Variants in CLASRP observed in about 807,000 individuals in gnomAD.
CLASRP encodes the protein CLK4 associating serine/arginine rich protein, also known as CLK4-associating serine/arginine rich protein.
Under a neutral mutation model 99.9 loss-of-function variants are expected in CLASRP, and 52 were observed. That is an observed-to-expected ratio of 0.52 (90% confidence interval 0.42 to 0.66). CLASRP has a LOEUF of 0.66. Among genes scored for constraint, CLASRP ranks in the 30% least tolerant of loss-of-function variants. The pLI, the probability that CLASRP is intolerant of heterozygous loss-of-function variation, is 0.00. For missense variants in CLASRP, 848 were observed against 999.2 expected, an observed-to-expected ratio of 0.85 and a Z score of 2.04; for synonymous variants, 379 against 373.0, an observed-to-expected ratio of 1.02 and a Z score of -0.18.
intron 2 of CLASRP, 72 bp from the exon 3 acceptor site, chr19:45,051,999 C>A: frequency 8.5e-7 from 1 of 1,177,362 alleles, no homozygotes. Context: ...TGCTGCTAAG[C>A]TCGGTTGTGT....
chr19:45,040,480 C>T (rs1021946624), intron 2 of CLASRP, 169 bp downstream of exon 2: 3 of 537,656 alleles, frequency 5.6e-6, no homozygotes, highest in Non-Finnish European at 1.0e-5. Flanking sequence ...ATCCCAAGGG[C>T]TTCTGTTTGT....
intron 2 of CLASRP, 61 bp downstream of exon 2, chr19:45,040,372 T>A: frequency 8.4e-7 from 1 of 1,189,120 alleles, no homozygotes; most frequent in Non-Finnish European, 1.2e-6. Flanking sequence ...CAGCTGGTCA[T>A]CCTGGTAAAA....
chr19:45,048,192 G>A (rs1371100530), intron 2 of CLASRP, among the ~76,000 whole-genome samples: 6 of 151,948 alleles, frequency 3.9e-5, no homozygotes, highest in Non-Finnish European at 8.8e-5. Flanking sequence ...ATGTCAGGCA[G>A]GTGGACCCCA....
rs1487918620 is a variant in CLASRP at position 45,064,606 on chromosome 19, G to A, written c.1385G>A (p.Gly462Asp). 10 of 1,552,766 alleles carry A rather than the reference G, an allele frequency of 6.4e-6. No individual in the cohort carries two copies. Among genetic ancestry groups the A allele is most frequent in the Non-Finnish European group, 8.7e-6 (10 of 1,155,054 alleles). ...TCCCGCTCGCCCGCCCGGCGTGGTG[G>A]TTACGGGCCCCGGCGCAGAAGCAGG... ...RYSRSPARRGGYGPRRRSRSR... is the reference protein window; with the variant it reads ...RYSRSPARRGDYGPRRRSRSR... The change falls in exon 13 of 21, where the codon GGT becomes GAT. Residue 462 changes from glycine (G) to aspartate (D), a missense_variant. Gly to Asp is a moderately conservative substitution (Grantham distance 94). Coordinates refer to ENST00000221455, the MANE Select transcript of CLASRP (RefSeq NM_007056.3).
chr19:45,048,737 C>T (rs1485510635), intron 2 of CLASRP, among the ~76,000 whole-genome samples: 2 of 152,000 alleles, frequency 1.3e-5, no homozygotes, highest in African/African-American at 4.8e-5. Flanking sequence ...CCTGTAATCC[C>T]AGCACTTTGG....
intron 1 of CLASRP, 117 bp from the exon 2 acceptor site, chr19:45,040,067 G>A (rs1194265357): frequency 2.2e-5 from 13 of 586,958 alleles, no homozygotes; most frequent in Non-Finnish European, 4.0e-5. Context: ...TCTGCTCCCT[G>A]AAGCTAAGAG....
intron 16 of CLASRP, 91 bp from the exon 17 acceptor site, chr19:45,068,975 G>C (rs1293477982): frequency 2.1e-5 from 25 of 1,206,632 alleles, no homozygotes; most frequent in Non-Finnish European, 2.9e-5. Flanking sequence ...GGGCGACAGA[G>C]CGAGACTCTG....
intron 18 of CLASRP, among the ~76,000 whole-genome samples, chr19:45,069,451 G>C (rs188298087): frequency 2.0e-5 from 3 of 151,838 alleles, no homozygotes; most frequent in African/African-American, 7.2e-5. Context: ...CCTGCCTCCC[G>C]CCACCGCGAC....
Position 45,064,628 on chromosome 19 carries a change from C to A in CLASRP, c.1407C>A (p.Ser469Arg). ...RRGGYGPRRRSRSRSHSGDRY... is the reference protein window; with the variant it reads ...RRGGYGPRRRRRSRSHSGDRY... Reference sequence around the variant, plus strand: ...GTGGTTACGGGCCCCGGCGCAGAAGCAGGTGTGTGTGGCTGGGCGTGGAGG... The same window carrying A: ...GTGGTTACGGGCCCCGGCGCAGAAGAAGGTGTGTGTGGCTGGGCGTGGAGG... The change falls in exon 13 of 21, where the codon AGC becomes AGA. Residue 469 changes from serine to arginine, a missense_variant and splice_region_variant. This residue lies in a region of CLASRP where 489 missense variants were observed against 434.7 expected (regional missense o/e 1.12). Transcript: ENST00000221455. 1 of 1,550,822 alleles carries A rather than the reference C, an allele frequency of 6.4e-7. No homozygotes were observed. Among genetic ancestry groups the A allele is most frequent in the South Asian group, 1.2e-5 (1 of 84,854 alleles).
In CLASRP at chr19:45,064,078, G is replaced by A; in HGVS notation, c.972G>A (p.Glu324=). The A allele has an allele frequency of 3.1e-6, 5 of 1,609,340 alleles. No individual in the cohort carries two copies. Among genetic ancestry groups the A allele is most frequent in the Non-Finnish European group, 3.4e-6 (4 of 1,178,512 alleles). Residue 324 remains glutamate, a synonymous_variant, in exon 12 of 21, where the codon GAG becomes GAA. Coordinates refer to ENST00000221455, the MANE Select transcript of CLASRP (RefSeq NM_007056.3). ...GCTCCCCGACCCCGGGCCGCGAGGA[G>A]AAGATCACGTTCATCACCAGTTTTG... ...RSRSPTPGRE[E]KITFITSFGG... is the part of the protein sequence containing the mutation.
At chr19:45,053,021 C>A in intron 4 of CLASRP, 77 bp from the exon 5 acceptor site, 1 of 1,562,786 alleles carries the variant, frequency 6.4e-7, no homozygotes, top group Non-Finnish European at 8.8e-7. Flanking sequence ...GAGGGGGATG[C>A]CTCATTTCCC....
At position 45,052,829 on chromosome 19, in the gene CLASRP, G is replaced by A; in HGVS notation, c.236G>A (p.Arg79Gln). Residue 79 changes from arginine (R) to glutamine (Q), a missense_variant, in exon 4 of 21, where the codon CGA becomes CAA. By Grantham distance (43) the Arg-to-Gln change is conservative. Around this residue, in one of 8 missense-constraint regions of CLASRP, gnomAD observed 46 missense variants for 96.8 expected, o/e 0.48. Coordinates refer to ENST00000221455, the MANE Select transcript of CLASRP (RefSeq NM_007056.3). The part of the protein sequence containing the change: ...WQGDTNNMID[R>Q]FDVRAHLDHI... ...GGGGACACCAACAACATGATTGACCGATTCGATGTCCGTGCCCACCTGGAC... is the reference window on the plus strand; with the variant it reads ...GGGGACACCAACAACATGATTGACCAATTCGATGTCCGTGCCCACCTGGAC... 2 of 1,612,500 alleles carry A rather than the reference G, an allele frequency of 1.2e-6. No individual in the cohort carries two copies. The highest frequency in any genetic ancestry group is 8.5e-7 in the Non-Finnish European group (1 of 1,179,432).
At chr19:45,069,350 G>A in intron 18 of CLASRP, 102 bp downstream of exon 18, 1 of 1,208,160 alleles carries the variant, frequency 8.3e-7, no homozygotes, top group Non-Finnish European at 1.2e-6. Flanking sequence ...CCCTGTGGGT[G>A]GATGAAAGGC....
rs1392810022 is a variant in CLASRP, at chr19:45,060,998, G to C, written c.863+371G>C. 1.3e-5 allele frequency among the ~76,000 whole-genome samples: 2 copies of C among 152,094 alleles called. No homozygotes were observed. The highest frequency in any genetic ancestry group is 2.9e-5 in the Non-Finnish European group (2 of 68,016). On this transcript the variant is annotated intron_variant, in intron 10 of 20. Transcript: ENST00000221455. This position sits in a 1 kb window ranked among gnomAD's most constrained non-coding sequence, Gnocchi z 4.6. ...TCGGAGTTTGGACAAGTGACTTCCC[G>C]AACTCTCTGAGCTTCAATTTTTTCC...
At chr19:45,057,671 C>A in intron 6 of CLASRP, 79 bp from the exon 7 acceptor site, 1 of 1,551,520 alleles carries the variant, frequency 6.4e-7, no homozygotes, top group South Asian at 1.2e-5. Context: ...CCGTGGCACT[C>A]GAGACTGGTG....
intron 2 of CLASRP, among the ~76,000 whole-genome samples, chr19:45,041,391 G>A (rs1022503002): frequency 1.3e-5 from 2 of 152,164 alleles, no homozygotes; most frequent in South Asian, 2.1e-4. Context: ...CTTCATACTC[G>A]GACAGCTCCA....
intron 4 of CLASRP, 97 bp from the exon 5 acceptor site, chr19:45,053,001 C>T: frequency 6.5e-7 from 1 of 1,542,846 alleles, no homozygotes; most frequent in Non-Finnish European, 8.9e-7. Flanking sequence ...TTTGGTACCG[C>T]CCTGAGCCTG....
At chr19:45,064,299 C>G (rs1473658286) in intron 12 of CLASRP, 44 bp from the exon 13 acceptor site, 1 of 1,505,292 alleles carries the variant, frequency 6.6e-7, no homozygotes, top group East Asian at 2.5e-5. Context: ...AGGGGGGCCG[C>G]GGCTCAGGCC....
chr19:45,058,953 C>CCATCCATCCCTGCATCCCTT (rs1332297812), intron 7 of CLASRP, among the ~76,000 whole-genome samples: 1 of 152,098 alleles, frequency 6.6e-6, no homozygotes, highest in Non-Finnish European at 1.5e-5. Flanking sequence ...ATTCATCCAT[C>CCATCCATCCCTGCATCCCTT]CATCCATCCC....
Sources: gnomAD v4.1 joint callset for allele counts (sites outside exome capture counted in the v4.1 genomes callset) on GRCh38, gnomAD v4.1.1 for gene constraint, gnomAD v4.1.1 regional missense constraint, Gnocchi (gnomAD v3.1) non-coding constraint, MANE v1.5 for transcripts, NCBI Gene and HGNC (gene_info 2026-07-23, HGNC 2026-07-21) for gene names.